Variants in CNTN1 observed in about 807,000 individuals in gnomAD.
CNTN1 encodes the protein contactin-1.
A neutral mutation model predicts 126.4 loss-of-function variants in CNTN1; 38 were observed. That is an observed-to-expected ratio of 0.30 (90% CI 0.23 to 0.39). CNTN1 has a LOEUF of 0.39. Among genes scored for constraint, CNTN1 ranks in the 10% least tolerant of loss-of-function variants. The pLI, the probability that CNTN1 is intolerant of heterozygous loss-of-function variation, is 1.00. For missense variants in CNTN1, 1,009 were observed against 1,248.4 expected (o/e 0.81, Z 2.89); for synonymous variants, 413 against 422.6 (o/e 0.98, Z 0.28).
intron 1 of CNTN1, among the ~76,000 whole-genome samples, chr12:40,879,314 A>G (rs1021238774): frequency 6.6e-6 from 1 of 152,188 alleles, no homozygotes; most frequent in Non-Finnish European, 1.5e-5. Flanking sequence ...GGATTTTCCA[A>G]TATTCTTCCT....
chr12:40,897,601 G>A (rs12307310), intron 1 of CNTN1, among the ~76,000 whole-genome samples: 7,506 of 152,072 alleles, frequency 0.049, 415 homozygotes, highest in African/African-American at 0.14. Flanking sequence ...TCATATGACC[G>A]GAGGCATGTA....
chr12:40,841,056 G>T (rs1173814213), intron 1 of CNTN1, among the ~76,000 whole-genome samples: 1 of 151,826 alleles, frequency 6.6e-6, no homozygotes, highest in Non-Finnish European at 1.5e-5. Flanking sequence ...TAAACCTGCA[G>T]CTAAACTAAT....
intron 4 of CNTN1, among the ~76,000 whole-genome samples, chr12:40,919,661 TC>T (rs1354101880): frequency 5.3e-5 from 8 of 152,170 alleles, no homozygotes; most frequent in African/African-American, 1.9e-4. Flanking sequence ...AATATCCCTT[TC>T]CACCCATTTG....
intron 15 of CNTN1, chr12:40,978,797 G>A (rs1014067803): frequency 6.6e-5 from 10 of 152,058 alleles, no homozygotes. Context: ...ACATTTTAAT[G>A]GTTAATGACT....
At chr12:40,845,020 C>T (rs574773304) in intron 1 of CNTN1, among the ~76,000 whole-genome samples, 2 of 152,060 alleles carry the variant, frequency 1.3e-5, no homozygotes, top group Non-Finnish European at 2.9e-5. Flanking sequence ...AGATCTTAAC[C>T]ACGGAAGAGT....
intron 14 of CNTN1, among the ~76,000 whole-genome samples, chr12:40,954,421 G>A (rs1408085674): frequency 6.6e-6 from 1 of 151,534 alleles, no homozygotes; most frequent in Non-Finnish European, 1.5e-5. Context: ...TAACTTTTAT[G>A]ATAGACCAAG....
At chr12:41,046,203 A>C (rs1284978445) in intron 23 of CNTN1, among the ~76,000 whole-genome samples, 1 of 152,048 alleles carries the variant, frequency 6.6e-6, no homozygotes, top group East Asian at 1.9e-4. Flanking sequence ...TCAGCCACCC[A>C]CTCATGATCA....
intron 1 of CNTN1, among the ~76,000 whole-genome samples, chr12:40,904,281 G>A (rs1470450370): frequency 6.6e-6 from 1 of 151,774 alleles, no homozygotes; most frequent in Non-Finnish European, 1.5e-5. Context: ...GCCTCCCAAA[G>A]TGCTGGATTA....
intron 1 of CNTN1, among the ~76,000 whole-genome samples, chr12:40,737,065 A>T (rs1215136554): frequency 6.6e-6 from 1 of 151,990 alleles, no homozygotes; most frequent in Non-Finnish European, 1.5e-5. Flanking sequence ...AAAGAAAAAA[A>T]TTCAAAAACT....
At chr12:40,940,696 C>A (rs544276362) in intron 12 of CNTN1, among the ~76,000 whole-genome samples, 3 of 152,222 alleles carry the variant, frequency 2.0e-5, no homozygotes, top group Non-Finnish European at 4.4e-5. Flanking sequence ...ACAGGCACGG[C>A]TGTTTATGGA....
intron 1 of CNTN1, among the ~76,000 whole-genome samples, chr12:40,745,770 G>A (rs1384762374): frequency 6.6e-6 from 1 of 152,092 alleles, no homozygotes; most frequent in Non-Finnish European, 1.5e-5. Context: ...TTAAGATATG[G>A]CAAAGAAACA....
chr12:40,933,880 TAGA>T lies in CNTN1; in HGVS notation c.985+3_985+5del. On this transcript the variant is annotated splice_donor_5th_base_variant and intron_variant, in intron 9 of 23. Transcript: ENST00000551295. Reference sequence around the variant, plus strand: ...ATCAAGCAAGAATTTATGTTCAAGGTAGATACATTATTTTAATTTTGTATAAAT... The same window carrying T: ...ATCAAGCAAGAATTTATGTTCAAGGTTACATTATTTTAATTTTGTATAAAT... The T allele has an allele frequency of 6.2e-7, 1 of 1,606,712 alleles. No homozygotes were observed.
intron 15 of CNTN1, chr12:40,972,534 C>G: frequency 7.2e-6 from 6 of 833,636 alleles, no homozygotes; most frequent in Non-Finnish European, 8.7e-6. Flanking sequence ...ATGAATATAA[C>G]TCTTAAATTA....
intron 17 of CNTN1, among the ~76,000 whole-genome samples, chr12:41,001,289 T>C (rs986171555): frequency 2.0e-5 from 3 of 152,232 alleles, no homozygotes; most frequent in African/African-American, 7.2e-5. Context: ...TTTTTAATAA[T>C]ATCCATTCTG....
chr12:40,720,594 C>T (rs1335681832), intron 1 of CNTN1, among the ~76,000 whole-genome samples: 2 of 152,100 alleles, frequency 1.3e-5, no homozygotes, highest in Non-Finnish European at 2.9e-5. Flanking sequence ...TTTAAATCTC[C>T]TTGAAAGTTT....
At chr12:40,877,346 G>C (rs1321445819) in intron 1 of CNTN1, among the ~76,000 whole-genome samples, 1 of 152,144 alleles carries the variant, frequency 6.6e-6, no homozygotes, top group Non-Finnish European at 1.5e-5. Context: ...CCTGAGAGAT[G>C]AGCAACTGGA....
At chr12:40,810,259 A>G (rs1023950978) in intron 1 of CNTN1, among the ~76,000 whole-genome samples, 4 of 152,164 alleles carry the variant, frequency 2.6e-5, no homozygotes, top group African/African-American at 9.6e-5. Flanking sequence ...TAAAAATTTT[A>G]TGTATTAAAG....
rs560639919 is a variant in CNTN1 at position 41,032,119 on chromosome 12, A to G, written c.2980+2900A>G. Among the ~76,000 whole-genome samples, 9 of 152,314 alleles carry G rather than the reference A, an allele frequency of 5.9e-5. No homozygotes were observed. The South Asian group carries it at 6.2e-4, about 11-fold the overall frequency. The stretch of plus-strand genomic sequence containing the variant: ...ATATTTAAAATGTGCTAAGATTTAC[A>G]TATTTCCACATCTCTGCCTGGCCCT... On this transcript the variant is annotated intron_variant, in intron 23 of 23. Transcript: ENST00000551295.
At chr12:40,810,132 C>A (rs1285679613) in intron 1 of CNTN1, among the ~76,000 whole-genome samples, 1 of 152,020 alleles carries the variant, frequency 6.6e-6, no homozygotes, top group Non-Finnish European at 1.5e-5. Flanking sequence ...ATAAATGAAG[C>A]CTGTATTTTA....
Sources: gnomAD v4.1 joint callset for allele counts (sites outside exome capture counted in the v4.1 genomes callset) on GRCh38, gnomAD v4.1.1 for gene constraint, MANE v1.5 for transcripts, NCBI Gene and HGNC (gene_info 2026-07-23, HGNC 2026-07-21) for gene names.